Variants in XPR1 observed in about 807,000 individuals in gnomAD.
XPR1 encodes the protein xenotropic and polytropic retrovirus receptor 1.
A neutral mutation model predicts 87.5 loss-of-function variants in XPR1; 28 were observed. The ratio of observed to expected loss-of-function variants is 0.32; its 90% CI spans 0.24 to 0.44. XPR1 has a LOEUF of 0.44. Ranked by LOEUF, XPR1 falls within the 20% of genes least tolerant of loss-of-function variation. XPR1 has a pLI of 1.00. For synonymous variants in XPR1, 300 were observed against 306.1 expected, an observed-to-expected ratio of 0.98 and a Z score of 0.21; for missense variants, 559 against 862.3, an observed-to-expected ratio of 0.65 and a Z score of 4.41.
intron 2 of XPR1, among the ~76,000 whole-genome samples, chr1:180,711,025 C>T (rs151274748): frequency 0.061 from 7,980 of 130,918 alleles, 299 homozygotes; most frequent in Non-Finnish European, 0.086. Flanking sequence ...GGGTGGCTGC[C>T]GGGCGGAGGG....
chr1:180,809,193 C>T (rs546298588), intron 6 of XPR1, among the ~76,000 whole-genome samples: 1 of 152,056 alleles, frequency 6.6e-6, no homozygotes, highest in East Asian at 1.9e-4. Flanking sequence ...ACCTAAGACT[C>T]CAGAAAAAAT....
Position 180,632,119 on chromosome 1 carries a change from C to A in XPR1, c.-83C>A. 6.6e-7 allele frequency: 1 copy of A among 1,504,526 alleles called. No homozygotes were observed. The highest frequency in any genetic ancestry group is 1.2e-5 in the South Asian group (1 of 83,640). 93.2% of individuals were successfully genotyped at this position (1,504,526 alleles called of 1,614,324 possible). A position where few individuals can be genotyped will look rare whatever the true frequency, so the allele number is the denominator to read the frequency against. ...CGCAGCGCCGCGCCGCGCCGGGGCC[C>A]ATGTGGGGAGGAGTCGGAGTCGCTG... On this transcript the variant is annotated 5_prime_UTR_variant, in exon 1 of 15. Transcript: ENST00000367590.
chr1:180,758,746 C>T (rs1350908853), intron 2 of XPR1: 1 of 152,240 alleles, frequency 6.6e-6, no homozygotes, highest in Admixed American at 6.6e-5. Context: ...AGCACATATA[C>T]TAAAATTGGA....
chr1:180,855,623 C>G (rs931874501), intron 11 of XPR1, among the ~76,000 whole-genome samples: 2 of 149,824 alleles, frequency 1.3e-5, no homozygotes, highest in African/African-American at 4.9e-5. Flanking sequence ...GAGATCATGC[C>G]ACTGCTCTCC....
At chr1:180,667,896 T>A (rs930310446) in intron 1 of XPR1, among the ~76,000 whole-genome samples, 2 of 152,146 alleles carry the variant, frequency 1.3e-5, no homozygotes, top group South Asian at 4.1e-4. Flanking sequence ...TACTCTTTTA[T>A]AATACTTTTT....
In XPR1 at chr1:180,884,138, T is replaced by G; in HGVS notation, c.*72T>G. On this transcript the variant is annotated 3_prime_UTR_variant, in exon 15 of 15. Coordinates refer to ENST00000367590, the MANE Select transcript of XPR1 (RefSeq NM_004736.4). ...TCCTTTCCTCGACCAACGCAACCTC[T>G]AGTACCTTTCCAGCCGAAAACAGGA... The G allele has an allele frequency of 1.5e-4, 206 of 1,414,292 alleles. No homozygotes were observed. Among genetic ancestry groups the G allele is most frequent in the Non-Finnish European group, 1.8e-4 (187 of 1,014,354 alleles). 87.6% of individuals were successfully genotyped at this position (1,414,292 alleles called of 1,614,324 possible).
intron 2 of XPR1, among the ~76,000 whole-genome samples, chr1:180,771,634 GACTTTAAC>G (rs1480973137): frequency 6.6e-6 from 1 of 152,122 alleles, no homozygotes; most frequent in Non-Finnish European, 1.5e-5. Flanking sequence ...CCTTAGTCAT[GACTTTAAC>G]ACTTTGATGC....
intron 2 of XPR1, among the ~76,000 whole-genome samples, chr1:180,732,539 A>C (rs1658591907): frequency 6.6e-6 from 1 of 152,156 alleles, no homozygotes; most frequent in African/African-American, 2.4e-5. Context: ...TGAAATGGGG[A>C]AAGTTCCTGT....
intron 2 of XPR1, among the ~76,000 whole-genome samples, chr1:180,785,436 G>A (rs1339007801): frequency 6.6e-6 from 1 of 152,046 alleles, no homozygotes; most frequent in Non-Finnish European, 1.5e-5. Context: ...GGGATTACAG[G>A]CATGAGCCAC....
chr1:180,704,907 T>C (rs1657509150), intron 2 of XPR1, among the ~76,000 whole-genome samples: 1 of 149,040 alleles, frequency 6.7e-6, no homozygotes, highest in South Asian at 2.1e-4. Context: ...GGAAGTATCA[T>C]TGCTACTGGG....
chr1:180,661,727 T>G (rs945110247), intron 1 of XPR1, among the ~76,000 whole-genome samples: 1 of 151,996 alleles, frequency 6.6e-6, no homozygotes, highest in South Asian at 2.1e-4. Context: ...ATGCAAAAAT[T>G]AGCTGGGCAT....
chr1:180,773,769 A>G (rs901895309), intron 2 of XPR1, among the ~76,000 whole-genome samples: 2 of 152,154 alleles, frequency 1.3e-5, no homozygotes, highest in African/African-American at 2.4e-5. Flanking sequence ...CAATGCAGCT[A>G]TAAAGTATGC....
intron 11 of XPR1, 89 bp downstream of exon 11, chr1:180,836,805 G>T: frequency 8.9e-6 from 13 of 1,453,336 alleles, no homozygotes; most frequent in Non-Finnish European, 1.1e-5. Context: ...TTTTCCATTT[G>T]TCATGCTCTT....
intron 2 of XPR1, among the ~76,000 whole-genome samples, chr1:180,738,215 T>C (rs1016114411): frequency 1.3e-5 from 2 of 152,158 alleles, no homozygotes; most frequent in African/African-American, 2.4e-5. Context: ...TTTGGCCACG[T>C]TGGCCAGGCT....
chr1:180,710,767 A>G (rs1657739676), intron 2 of XPR1, among the ~76,000 whole-genome samples: 2 of 152,006 alleles, frequency 1.3e-5, no homozygotes, highest in South Asian at 4.1e-4. Context: ...CACTTCCCAG[A>G]AGGGGTGGCC....
intron 2 of XPR1, among the ~76,000 whole-genome samples, chr1:180,755,885 A>C (rs1167878859): frequency 6.6e-6 from 1 of 152,218 alleles, no homozygotes; most frequent in Non-Finnish European, 1.5e-5. Context: ...ACCTCTCTTC[A>C]TTAAAACAAA....
At chr1:180,874,978 GTTAA>G (rs1200676522) in intron 13 of XPR1, among the ~76,000 whole-genome samples, 1 of 152,174 alleles carries the variant, frequency 6.6e-6, no homozygotes, top group African/African-American at 2.4e-5. Context: ...TAACGGGTCA[GTTAA>G]TTAATTAAAC....
intron 1 of XPR1, among the ~76,000 whole-genome samples, chr1:180,637,032 C>CA (rs1312128457): frequency 1.1e-5 from 1 of 92,740 alleles, no homozygotes; most frequent in Non-Finnish European, 1.9e-5. Flanking sequence ...AGCCTGGCAA[C>CA]AGAGTAAGAC....
intron 2 of XPR1, among the ~76,000 whole-genome samples, chr1:180,716,312 C>G (rs1657993577): frequency 6.6e-6 from 1 of 151,926 alleles, no homozygotes; most frequent in African/African-American, 2.4e-5. Flanking sequence ...TGGTCTTGAA[C>G]TCCTCGCCTC....
Sources: allele counts gnomAD v4.1 joint callset (sites outside exome capture counted in the v4.1 genomes callset), GRCh38; gene constraint gnomAD v4.1.1; transcripts MANE v1.5; gene names NCBI Gene and HGNC (gene_info 2026-07-23, HGNC 2026-07-21).